KCTD1: variants seen among roughly 807,000 people sequenced by gnomAD.
KCTD1 encodes the protein potassium channel tetramerization domain containing 1, also known as BTB/POZ domain-containing protein KCTD1.
In KCTD1, 24 loss-of-function variants were observed where a neutral mutation model predicts 66.0. That is an observed-to-expected ratio of 0.36 (90% confidence interval 0.26 to 0.51). The LOEUF is 0.51. KCTD1 is among the 20% of genes least tolerant of loss of function. The pLI is 0.95. For synonymous variants in KCTD1, 511 were observed against 517.2 expected (o/e 0.99, Z 0.16); for missense variants, 943 against 1,205.2 (o/e 0.78, Z 3.22).
intron 1 of KCTD1, among the ~76,000 whole-genome samples, chr18:26,656,453 G>A (rs113749140): frequency 0.01 from 1,593 of 152,174 alleles, 29 homozygotes; most frequent in African/African-American, 0.036. Context: ...ATCCAAAAGG[G>A]GGAGGAGGGC....
intron 1 of KCTD1, among the ~76,000 whole-genome samples, chr18:26,626,721 C>T (rs867265724): frequency 1.3e-5 from 2 of 152,126 alleles, no homozygotes; most frequent in South Asian, 4.1e-4. Context: ...ATGATCCTCC[C>T]TCTTTGGCCT....
At chr18:26,618,959 G>A (rs1375498729) in intron 1 of KCTD1, among the ~76,000 whole-genome samples, 1 of 152,212 alleles carries the variant, frequency 6.6e-6, no homozygotes. Context: ...GAAAGCCAAT[G>A]TCCATTTCTC....
intron 1 of KCTD1, chr18:26,575,203 T>C (rs1400476592): frequency 2.0e-5 from 3 of 152,176 alleles, no homozygotes; most frequent in African/African-American, 7.2e-5. Flanking sequence ...TCCAGACACA[T>C]TGACTTTCAC....
chr18:26,515,431 T>C (rs1213440319), intron 1 of KCTD1, among the ~76,000 whole-genome samples: 2 of 151,940 alleles, frequency 1.3e-5, no homozygotes, highest in African/African-American at 4.8e-5. Flanking sequence ...ACTTACATCC[T>C]CCTATCTTAG....
chr18:26,594,798 C>A (rs898457778), intron 1 of KCTD1, among the ~76,000 whole-genome samples: 3 of 152,124 alleles, frequency 2.0e-5, no homozygotes, highest in African/African-American at 7.2e-5. Flanking sequence ...CAGTGGAAGG[C>A]CTTTAGAGAA....
chr18:26,656,014 A>C (rs909392536), intron 1 of KCTD1, among the ~76,000 whole-genome samples: 1 of 151,916 alleles, frequency 6.6e-6, no homozygotes, highest in Non-Finnish European at 1.5e-5. Flanking sequence ...TTCACATTCA[A>C]TAAAGAAGGG....
intron 1 of KCTD1, among the ~76,000 whole-genome samples, chr18:26,655,396 AAT>A (rs756660328): frequency 1.5e-4 from 23 of 152,048 alleles, no homozygotes; most frequent in Non-Finnish European, 3.4e-4. Flanking sequence ...TTTCTTAAAG[AAT>A]ATGTTAAACT....
Position 26,476,426 on chromosome 18 carries a change from G to T in KCTD1, c.2133+89C>A. 7.9e-7 allele frequency: 1 copy of T among 1,272,442 alleles called. No individual in the cohort carries two copies. Among genetic ancestry groups the T allele is most frequent in the Non-Finnish European group, 1.1e-6 (1 of 925,962 alleles). The allele number at this position is 1,272,442 out of a possible 1,614,324, so 78.8% of individuals were successfully genotyped here. ...TCTGGCACCTTTCGAGTTGGTGTAT[G>T]TTAATAATGTAGAACTAGAAATATT... On this transcript the variant is annotated intron_variant, in intron 3 of 4. Coordinates refer to ENST00000580059, the MANE Select transcript of KCTD1 (RefSeq NM_001142730.3). This position sits in a 1 kb window ranked among gnomAD's most constrained non-coding sequence, Gnocchi z 4.9.
chr18:26,522,089 A>C (rs754584025), intron 1 of KCTD1, among the ~76,000 whole-genome samples: 2 of 152,212 alleles, frequency 1.3e-5, no homozygotes, highest in African/African-American at 2.4e-5. Context: ...GACAGACTAC[A>C]CTCATGTTGT....
intron 2 of KCTD1, among the ~76,000 whole-genome samples, chr18:26,488,865 C>T (rs1331055976): frequency 2.0e-5 from 3 of 152,216 alleles, no homozygotes; most frequent in Non-Finnish European, 2.9e-5. Flanking sequence ...ACTGATACCA[C>T]GTCTTGAATA....
chr18:26,539,739 T>C lies in KCTD1; in HGVS notation c.1809+6989A>G, dbSNP rs113342312. Among the ~76,000 whole-genome samples the C allele has an allele frequency of 1.1e-3, 166 of 152,332 alleles. 3 individuals are homozygous for C. The highest frequency in any genetic ancestry group is 3.6e-3 in the African/African-American group (148 of 41,572). ...CAGCCAGGAATGTGGAAATAATTCA[T>C]GTTTCTAAGTTAAGTTCCTTAAAAC... On this transcript the variant is annotated intron_variant, in intron 1 of 4. Coordinates refer to ENST00000580059, the MANE Select transcript of KCTD1 (RefSeq NM_001142730.3).
intron 1 of KCTD1, among the ~76,000 whole-genome samples, chr18:26,507,412 G>A (rs1489160664): frequency 1.3e-5 from 2 of 152,122 alleles, no homozygotes; most frequent in Middle Eastern, 3.2e-3. Flanking sequence ...CTCTGTTGCC[G>A]AGGCTAGAAT....
intron 1 of KCTD1, among the ~76,000 whole-genome samples, chr18:26,529,678 C>A (rs1984345508): frequency 1.3e-5 from 2 of 152,194 alleles, no homozygotes; most frequent in African/African-American, 4.8e-5. Flanking sequence ...AGACCACATT[C>A]TTTACATTTA....
chr18:26,513,441 A>G (rs1050966309), intron 1 of KCTD1, among the ~76,000 whole-genome samples: 63 of 152,312 alleles, frequency 4.1e-4, no homozygotes, highest in African/African-American at 1.4e-3. Flanking sequence ...ATTCCACATT[A>G]CAAAGATCAC....
chr18:26,471,810 A>G (rs1329587777), intron 3 of KCTD1, among the ~76,000 whole-genome samples: 1 of 152,230 alleles, frequency 6.6e-6, no homozygotes, highest in East Asian at 1.9e-4. Flanking sequence ...AAAGTGTCTC[A>G]TAGTTTCAAT....
At chr18:26,605,797 T>C (rs1328922370) in intron 1 of KCTD1, among the ~76,000 whole-genome samples, 3 of 150,828 alleles carry the variant, frequency 2.0e-5, no homozygotes, top group Non-Finnish European at 4.4e-5. Context: ...CTGTGGTAGA[T>C]CGATTACAAA....
intron 1 of KCTD1, among the ~76,000 whole-genome samples, chr18:26,515,178 C>A (rs781366743): frequency 2.6e-5 from 4 of 152,162 alleles, no homozygotes; most frequent in Non-Finnish European, 5.9e-5. Flanking sequence ...CATTAGAAAA[C>A]CATTGTAACT....
chr18:26,568,500 G>C (rs1232700026), intron 1 of KCTD1, among the ~76,000 whole-genome samples: 3 of 151,844 alleles, frequency 2.0e-5, no homozygotes, highest in Non-Finnish European at 4.4e-5. Flanking sequence ...GCCTCCCAAG[G>C]TGCTGGGATT....
rs1218566132 is a variant in KCTD1, at chr18:26,547,053, G to A, written c.1484C>T (p.Pro495Leu). ...GTGGTGGTGGGAGGGATGGGTGGGGGGGTGGTGGGAGTGGTGCCGTGCCGC... is the reference window on the plus strand; with the variant it reads ...GTGGTGGTGGGAGGGATGGGTGGGGAGGTGGTGGGAGTGGTGCCGTGCCGC... ...NGAARHHSHH[P>L]PTHPSHHHRP... The change falls in exon 1 of 5, where the codon CCC becomes CTC. Residue 495 changes from proline (P) to leucine (L), a missense_variant. Pro to Leu is a moderately conservative substitution (Grantham distance 98). Transcript: ENST00000580059. 1 of 1,481,774 alleles carries A rather than the reference G, an allele frequency of 6.7e-7. No individual in the cohort carries two copies. Among genetic ancestry groups the A allele is most frequent in the Non-Finnish European group, 9.0e-7 (1 of 1,106,418 alleles). 91.8% of individuals were successfully genotyped at this position (1,481,774 alleles called of 1,614,324 possible).
Sources: allele counts gnomAD v4.1 joint callset (sites outside exome capture counted in the v4.1 genomes callset), GRCh38; gene constraint gnomAD v4.1.1; non-coding constraint Gnocchi (gnomAD v3.1); transcripts MANE v1.5; gene names NCBI Gene and HGNC (gene_info 2026-07-23, HGNC 2026-07-21).